Variants in XIRP2 observed in about 807,000 individuals in gnomAD.
XIRP2 encodes xin actin binding repeat containing 2, also known as xin actin-binding repeat-containing protein 2.
Under a neutral mutation model 277.0 loss-of-function variants are expected in XIRP2, and 236 were observed. The observed-to-expected ratio is 0.85, with a 90% CI of 0.77 to 0.95. The LOEUF is 0.95. XIRP2 is among the 40% of genes least tolerant of loss of function. The pLI is 0.00. For synonymous variants in XIRP2, 1,490 were observed against 1,416.5 expected, an observed-to-expected ratio of 1.05 and a Z score of -1.17; for missense variants, 4,640 against 4,157.5, an observed-to-expected ratio of 1.12 and a Z score of -3.19.
At position 166,950,972 on chromosome 2, in the gene XIRP2, A is replaced by G. The variant is rs1010671493; in HGVS notation, c.408+47082A>G. ...CCTATAACGAGGGATGCTAAGGAAG[A>G]GGCTAAACATGGAGAGTATTTGGGA... is the stretch of plus-strand genomic sequence containing the variant. On this transcript the variant is annotated intron_variant, in intron 2 of 10. Transcript: ENST00000409195. Among the ~76,000 whole-genome samples the G allele has an allele frequency of 3.3e-5, 5 of 152,158 alleles. 1 individual carries two copies. Among genetic ancestry groups the G allele is most frequent in the Non-Finnish European group, 2.9e-5 (2 of 67,986 alleles).
intron 2 of XIRP2, among the ~76,000 whole-genome samples, chr2:166,935,872 T>TA (rs1292478518): frequency 6.6e-6 from 1 of 152,204 alleles, no homozygotes. Context: ...GCAATAAACA[T>TA]ACGTGAGCAT....
intron 3 of XIRP2, among the ~76,000 whole-genome samples, chr2:167,173,219 A>G (rs1692746682): frequency 6.6e-6 from 1 of 152,198 alleles, no homozygotes; most frequent in Non-Finnish European, 1.5e-5. Context: ...AGTTCCTATT[A>G]ATTCTTTCTA....
intron 2 of XIRP2, among the ~76,000 whole-genome samples, chr2:166,931,579 G>A (rs568115066): frequency 6.6e-6 from 1 of 152,144 alleles, no homozygotes; most frequent in South Asian, 2.1e-4. Context: ...GCTTTTCCAT[G>A]TTACTGTGTA....
intron 3 of XIRP2, among the ~76,000 whole-genome samples, chr2:167,193,904 A>G (rs998604162): frequency 1.5e-4 from 22 of 148,414 alleles, no homozygotes; most frequent in African/African-American, 5.0e-4. Context: ...AAAAAAATTC[A>G]GTGAGATACT....
In XIRP2 at chr2:167,258,021, A is replaced by G. The variant is rs1381152501; in HGVS notation, c.*204A>G. ...AGATCAGTGGACTTTATTCCTAATGAAGAACCAAATATGTGTAAAAATATT... is the reference window on the plus strand; with the variant it reads ...AGATCAGTGGACTTTATTCCTAATGGAGAACCAAATATGTGTAAAAATATT... On this transcript the variant is annotated 3_prime_UTR_variant, in exon 11 of 11. Transcript: ENST00000409195. 1.2e-6 allele frequency: 2 copies of G among 1,613,104 alleles called. No homozygotes were observed. The highest frequency in any genetic ancestry group is 1.7e-5 in the Admixed American group (1 of 59,860).
intron 3 of XIRP2, among the ~76,000 whole-genome samples, chr2:167,196,870 G>A (rs1219550938): frequency 6.6e-6 from 1 of 152,096 alleles, no homozygotes; most frequent in African/African-American, 2.4e-5. Flanking sequence ...TGGGGTGGGT[G>A]TTTTCATGCC....
chr2:167,093,603 T>C (rs1003037857), intron 2 of XIRP2, among the ~76,000 whole-genome samples: 1 of 152,158 alleles, frequency 6.6e-6, no homozygotes, highest in African/African-American at 2.4e-5. Context: ...TTACTGAGAA[T>C]GATGCTTTCC....
In XIRP2 at chr2:167,084,090, A is replaced by C. The variant is rs62197380; in HGVS notation, c.409-51819A>C. ...TTGGCTGTGGGTTTGTCATAGATAG[A>C]TCTTATTATTTTGAAATACATCCCA... On this transcript the variant is annotated intron_variant, in intron 2 of 10. Transcript: ENST00000409195. Among the ~76,000 whole-genome samples the C allele has an allele frequency of 8.2e-4, 124 of 152,024 alleles. 1 individual carries two copies. The highest frequency in any genetic ancestry group is 2.6e-3 in the African/African-American group (109 of 41,418).
At chr2:166,978,029 T>C (rs1686761445) in intron 2 of XIRP2, among the ~76,000 whole-genome samples, 1 of 152,214 alleles carries the variant, frequency 6.6e-6, no homozygotes, top group Non-Finnish European at 1.5e-5. Flanking sequence ...AATGTGTGTA[T>C]GTTTGCATGT....
intron 2 of XIRP2, among the ~76,000 whole-genome samples, chr2:166,973,953 G>A (rs1167583963): frequency 1.3e-5 from 2 of 152,146 alleles, no homozygotes. Context: ...AATTCATTAA[G>A]GGGTCTAGTC....
rs1695340197 is a variant in XIRP2, at chr2:167,248,122, A to G, written c.6730A>G (p.Thr2244Ala). ...TFKATNKKRETDVHLKSQDFL... is the reference protein window; with the variant it reads ...TFKATNKKREADVHLKSQDFL... ...TAAGGCAACCAACAAAAAGCGGGAGACTGATGTTCACTTGAAAAGCCAGGA... is the reference window on the plus strand; with the variant it reads ...TAAGGCAACCAACAAAAAGCGGGAGGCTGATGTTCACTTGAAAAGCCAGGA... The change falls in exon 9 of 11, where the codon ACT becomes GCT. Residue 2244 changes from threonine to alanine, a missense_variant. Thr to Ala is a moderately conservative substitution (Grantham distance 58). Coordinates refer to ENST00000409195, the MANE Select transcript of XIRP2 (RefSeq NM_152381.6). 1 of 1,613,320 alleles carries G rather than the reference A, an allele frequency of 6.2e-7. No homozygotes were observed. The highest frequency in any genetic ancestry group is 8.5e-7 in the Non-Finnish European group (1 of 1,179,736).
chr2:166,986,189 G>C (rs1220724130), intron 2 of XIRP2, among the ~76,000 whole-genome samples: 1 of 152,152 alleles, frequency 6.6e-6, no homozygotes, highest in Non-Finnish European at 1.5e-5. Flanking sequence ...AATGGTTAGA[G>C]GATGGCTTTG....
Position 167,093,881 on chromosome 2 carries a change from G to A in XIRP2, c.409-42028G>A, listed in dbSNP as rs181510334. On this transcript the variant is annotated intron_variant, in intron 2 of 10. Transcript: ENST00000409195. Reference sequence around the variant, plus strand: ...GGTATTTCTGGTTCTAGATCCTTGAGGAATCACCACTCTGTCTTCCCCACT... The same window carrying A: ...GGTATTTCTGGTTCTAGATCCTTGAAGAATCACCACTCTGTCTTCCCCACT... Among the ~76,000 whole-genome samples, 127 of 152,200 alleles carry A rather than the reference G, an allele frequency of 8.3e-4. 2 individuals carry two copies. The highest frequency in any genetic ancestry group is 3.4e-3 in the Middle Eastern group (1 of 294).
intron 4 of XIRP2, among the ~76,000 whole-genome samples, chr2:167,213,628 G>A (rs974534605): frequency 6.6e-6 from 1 of 152,056 alleles, no homozygotes; most frequent in African/African-American, 2.4e-5. Flanking sequence ...TCAGTTATGG[G>A]GTCAATGATA....
chr2:167,242,989 A>G lies in XIRP2; in HGVS notation c.1597A>G (p.Ser533Gly), dbSNP rs1695121520. Residue 533 changes from serine (S) to glycine (G), a missense_variant, in exon 9 of 11, where the codon AGT becomes GGT. Ser to Gly is a moderately conservative substitution (Grantham distance 56). Transcript: ENST00000409195. ...TGTTTCTAGTCAAATGAACTCAGGG[A>G]GTTCAGTCTCAGCAGATGTGCAACA... ...EIVSSQMNSG[S>G]SVSADVQQAR... The G allele has an allele frequency of 6.2e-7, 1 of 1,613,920 alleles. No homozygotes were observed. The highest frequency in any genetic ancestry group is 1.7e-5 in the Admixed American group (1 of 59,984).
chr2:167,115,584 T>C (rs1222234093), intron 2 of XIRP2, among the ~76,000 whole-genome samples: 1 of 152,200 alleles, frequency 6.6e-6, no homozygotes, highest in South Asian at 2.1e-4. Context: ...GTGAATTCAG[T>C]TGACTGGCTT....
intron 2 of XIRP2, among the ~76,000 whole-genome samples, chr2:166,996,813 A>C (rs1427845848): frequency 6.6e-6 from 1 of 151,976 alleles, no homozygotes. Context: ...ACATAAACTC[A>C]CCTCTCAAAT....
chr2:166,986,570 C>A (rs1348887420), intron 2 of XIRP2, among the ~76,000 whole-genome samples: 2 of 152,188 alleles, frequency 1.3e-5, no homozygotes, highest in East Asian at 3.8e-4. Context: ...GCCTTTAGCA[C>A]CTGCTTTCTC....
At chr2:166,902,616 T>TG (rs767194346) in intron 1 of XIRP2, among the ~76,000 whole-genome samples, 216 of 151,642 alleles carry the variant, frequency 1.4e-3, no homozygotes, top group East Asian at 4.1e-3. Flanking sequence ...GTGTGTGTGT[T>TG]TGTGTTTCTG....
Sources: allele counts gnomAD v4.1 joint callset (sites outside exome capture counted in the v4.1 genomes callset), GRCh38; gene constraint gnomAD v4.1.1; transcripts MANE v1.5; gene names NCBI Gene and HGNC (gene_info 2026-07-23, HGNC 2026-07-21).